Variants in AFF2 observed in about 807,000 individuals in gnomAD.
The protein encoded by AFF2 is ALF transcription elongation factor 2.
A neutral mutation model predicts 76.9 loss-of-function variants in AFF2; 14 were observed. The ratio of observed to expected loss-of-function variants is 0.18; its 90% CI spans 0.12 to 0.28. The LOEUF (loss-of-function observed/expected upper bound fraction) is 0.28, where lower values mean the gene tolerates loss of function less well. Among genes scored for constraint, AFF2 ranks in the 10% least tolerant of loss-of-function variants. AFF2 has a pLI of 1.00. For synonymous variants in AFF2, 398 were observed against 366.7 expected, an observed-to-expected ratio of 1.09 and a Z score of -0.98; for missense variants, 868 against 1,001.1, an observed-to-expected ratio of 0.87 and a Z score of 1.79.
chrX:148,961,365 G>A (rs1398659709), intron 12 of AFF2, among the ~76,000 whole-genome samples: 1 of 112,254 alleles, frequency 8.9e-6, no homozygotes, highest in African/African-American at 3.2e-5. Flanking sequence ...TAATCCATAT[G>A]TTCACCATCA....
intron 9 of AFF2, among the ~76,000 whole-genome samples, chrX:148,945,425 G>A (rs1557286001): frequency 8.9e-6 from 1 of 112,154 alleles, no homozygotes; most frequent in Admixed American, 9.4e-5. Context: ...TTAAAATTGG[G>A]TTTTAGCCTT....
intron 3 of AFF2, among the ~76,000 whole-genome samples, chrX:148,666,830 G>C (rs782000933): frequency 5.1e-4 from 57 of 111,428 alleles, no homozygotes; most frequent in Non-Finnish European, 2.3e-4. Flanking sequence ...AATAAACGTA[G>C]CTTTATACAT....
intron 3 of AFF2, among the ~76,000 whole-genome samples, chrX:148,742,158 C>T (rs1267703440): frequency 1.8e-5 from 2 of 111,910 alleles, no homozygotes; most frequent in East Asian, 2.8e-4. Context: ...CTGCCTCCCA[C>T]CCACCATGAT....
intron 1 of AFF2, among the ~76,000 whole-genome samples, chrX:148,558,274 G>A (rs1043811367): frequency 1.1e-4 from 12 of 111,239 alleles, no homozygotes; most frequent in Admixed American, 3.8e-4. Flanking sequence ...ACCTTTTCAC[G>A]GTGGAGTTGT....
chrX:148,546,508 C>T (rs2052922460), intron 1 of AFF2, among the ~76,000 whole-genome samples: 1 of 112,467 alleles, frequency 8.9e-6, no homozygotes, highest in Admixed American at 9.4e-5. Flanking sequence ...TTCTGCATCA[C>T]TTCCCCATCG....
chrX:148,676,120 C>T (rs189513019), intron 3 of AFF2, among the ~76,000 whole-genome samples: 305 of 101,884 alleles, frequency 3.0e-3, no homozygotes, highest in Non-Finnish European at 5.4e-3. Context: ...AGTGCAGTGG[C>T]ACCGTCTTGG....
chrX:148,714,558 T>G (rs1311649049), intron 3 of AFF2, among the ~76,000 whole-genome samples: 1 of 111,918 alleles, frequency 8.9e-6, no homozygotes, highest in East Asian at 2.8e-4. Flanking sequence ...TCAGATTCAG[T>G]GCCCTTGGAG....
chrX:148,527,360 CA>C (rs1167098882), intron 1 of AFF2, among the ~76,000 whole-genome samples: 1 of 112,050 alleles, frequency 8.9e-6, no homozygotes, highest in Admixed American at 9.4e-5. Flanking sequence ...AGAAGTGCTC[CA>C]GGGTAAAGGA....
intron 3 of AFF2, among the ~76,000 whole-genome samples, chrX:148,749,412 C>T (rs186985970): frequency 7.5e-4 from 84 of 111,289 alleles, no homozygotes; most frequent in African/African-American, 2.6e-3. Flanking sequence ...GCTGGGACTT[C>T]AGGTGCATGC....
In AFF2 at chrX:148,710,182, A is replaced by C. The variant is rs782299654; in HGVS notation, c.1041+47414A>C. ...AAATTACGCATTCAACTAGTGATGA[A>C]ATTGATCAGGTTGTTCTCATTGCAT... On this transcript the variant is annotated intron_variant, in intron 3 of 20. Transcript: ENST00000370460. 3.6e-5 allele frequency among the ~76,000 whole-genome samples: 4 copies of C among 112,122 alleles called. No homozygotes were observed. In the South Asian group the frequency reaches 1.5e-3, roughly 41 times the overall value.
chrX:148,624,340 C>T (rs1287078523), intron 1 of AFF2, among the ~76,000 whole-genome samples: 2 of 111,627 alleles, frequency 1.8e-5, no homozygotes, highest in East Asian at 2.8e-4. Context: ...TCCAACATAA[C>T]TTAAAAAAAG....
intron 13 of AFF2, 34 bp from the exon 14 acceptor site, chrX:148,966,756 C>G: frequency 3.3e-6 from 4 of 1,200,540 alleles, no homozygotes; most frequent in Non-Finnish European, 4.5e-6. Flanking sequence ...AAAAGCTGGA[C>G]CTAATGGAAA....
At chrX:148,943,279 T>C (rs2071862605) in intron 9 of AFF2, among the ~76,000 whole-genome samples, 1 of 112,575 alleles carries the variant, frequency 8.9e-6, no homozygotes, top group Non-Finnish European at 1.9e-5. Flanking sequence ...ATTTCAGAAA[T>C]TGCGTATGTG....
chrX:148,502,853 G>T (rs1557232034), intron 1 of AFF2, among the ~76,000 whole-genome samples: 1 of 111,988 alleles, frequency 8.9e-6, no homozygotes. Flanking sequence ...TATTAATTCC[G>T]GTTTAATCTT....
At chrX:148,791,326 G>T (rs782202499) in intron 3 of AFF2, among the ~76,000 whole-genome samples, 1 of 111,895 alleles carries the variant, frequency 8.9e-6, no homozygotes, top group East Asian at 2.8e-4. Flanking sequence ...GCAGGCAAGA[G>T]CATGTACAGG....
At position 148,837,738 on chromosome X, in the gene AFF2, G is replaced by T; in HGVS notation, c.1173+5G>T. ...ACCTTTTCCATCCCAGGACAGGTCA[G>T]TTCTCTTCCTTCCTGCATTTTTGTT... On this transcript the variant is annotated splice_donor_5th_base_variant and intron_variant, in intron 5 of 20. Coordinates refer to ENST00000370460, the MANE Select transcript of AFF2 (RefSeq NM_002025.4). 1 of 1,132,844 alleles carries T rather than the reference G, an allele frequency of 8.8e-7. No individual in the cohort carries two copies. The highest frequency in any genetic ancestry group is 1.2e-6 in the Non-Finnish European group (1 of 829,608). 93.4% of individuals were successfully genotyped at this position (1,132,844 alleles called of 1,213,427 possible). A position where few individuals can be genotyped will look rare whatever the true frequency, so the allele number is the denominator to read the frequency against.
At chrX:148,701,014 G>GAA (rs1451473016) in intron 3 of AFF2, among the ~76,000 whole-genome samples, 71 of 92,419 alleles carry the variant, frequency 7.7e-4, no homozygotes, top group African/African-American at 2.7e-3. Context: ...GAGAGAGAAT[G>GAA]TGTGTGTGTG....
At chrX:148,806,190 C>A (rs960224705) in intron 3 of AFF2, among the ~76,000 whole-genome samples, 1 of 112,347 alleles carries the variant, frequency 8.9e-6, no homozygotes, top group African/African-American at 3.2e-5. Flanking sequence ...ACTGCGAAGA[C>A]GTGTGGGTGT....
intron 4 of AFF2, among the ~76,000 whole-genome samples, chrX:148,832,607 T>A (rs1265391): frequency 9.0e-6 from 1 of 110,750 alleles, no homozygotes; most frequent in Non-Finnish European, 1.9e-5. Context: ...GCTTTGAATG[T>A]GTACAACACT....
Sources: gnomAD v4.1 joint callset for allele counts (sites outside exome capture counted in the v4.1 genomes callset) on GRCh38, gnomAD v4.1.1 for gene constraint, MANE v1.5 for transcripts, NCBI Gene and HGNC (gene_info 2026-07-23, HGNC 2026-07-21) for gene names.